Variants in PPP4R4 observed in about 807,000 individuals in gnomAD.
PPP4R4 encodes the protein protein phosphatase 4 regulatory subunit 4.
A neutral mutation model predicts 121.8 loss-of-function variants in PPP4R4; 70 were observed. The ratio of observed to expected loss-of-function variants is 0.57; its 90% CI spans 0.47 to 0.70. The LOEUF is 0.70. Ranked by LOEUF, PPP4R4 falls within the 30% of genes least tolerant of loss-of-function variation. The pLI, the probability that PPP4R4 is intolerant of heterozygous loss-of-function variation, is 0.00. For synonymous variants in PPP4R4, 348 were observed against 355.7 expected (o/e 0.98, Z 0.24); for missense variants, 875 against 1,033.6 (o/e 0.85, Z 2.10).
chr14:94,275,413 C>T lies in PPP4R4; in HGVS notation c.2489C>T (p.Ser830Phe), dbSNP rs546327827. The change falls in exon 24 of 25, where the codon TCT (serine) becomes TTT (phenylalanine). Residue 830 changes from serine to phenylalanine, a missense_variant. Ser to Phe is a radical substitution (Grantham distance 155). Transcript: ENST00000304338. ...ACTCGTAATGCCAGTAGCGTTCCAT[C>T]TTCCTTTTCTCCTAATACTCCCTTA... is the stretch of plus-strand genomic sequence containing the variant. ...FRTRNASSVP[S>F]SFSPNTPLPS... 3 of 1,614,032 alleles carry T rather than the reference C, an allele frequency of 1.9e-6. No individual in the cohort carries two copies. The highest frequency in any genetic ancestry group is 3.3e-5 in the Admixed American group (2 of 60,018).
chr14:94,186,630 C>A (rs1183631345), intron 2 of PPP4R4, among the ~76,000 whole-genome samples: 1 of 152,082 alleles, frequency 6.6e-6, no homozygotes, highest in Admixed American at 6.5e-5. Context: ...AATTGCTGGA[C>A]CATATAGTAA....
rs369514072 is a variant in PPP4R4, at chr14:94,276,131, A to G, written c.2597+610A>G. On this transcript the variant is annotated intron_variant, in intron 24 of 24. Transcript: ENST00000304338. ...ATAAAAATCACCATGATAAGAGACT[A>G]TATCAGGGTATAAATGATTCAGCCA... Among the ~76,000 whole-genome samples, 17 of 152,318 alleles carry G rather than the reference A, an allele frequency of 1.1e-4. 1 individual carries two copies. In the South Asian group the frequency reaches 3.5e-3, roughly 32 times the overall value.
At chr14:94,271,973 C>A (rs539457378) in intron 23 of PPP4R4, among the ~76,000 whole-genome samples, 1 of 152,004 alleles carries the variant, frequency 6.6e-6, no homozygotes, top group African/African-American at 2.4e-5. Flanking sequence ...TGTACAAGAT[C>A]TATATAAGGA....
chr14:94,193,828 C>T (rs574681395), intron 2 of PPP4R4, among the ~76,000 whole-genome samples: 1 of 152,214 alleles, frequency 6.6e-6, no homozygotes, highest in African/African-American at 2.4e-5. Flanking sequence ...GAATGGGTTG[C>T]TGATATGAAG....
At chr14:94,174,984 C>G (rs1200066103) in intron 1 of PPP4R4, among the ~76,000 whole-genome samples, 52 of 143,758 alleles carry the variant, frequency 3.6e-4, no homozygotes, top group Admixed American at 9.0e-4. Context: ...CCCCCCCCCC[C>G]CAAAGGAGCT....
rs1892648401 is a variant in PPP4R4, at chr14:94,241,767, AG to A, written c.977-20del. Reference sequence around the variant, plus strand: ...TTGTTTTCAATTGAAATGTTGAGCTAGTTTTTTATATTTGTTTTAGGAATTT... The same window carrying A: ...TTGTTTTCAATTGAAATGTTGAGCTATTTTTTATATTTGTTTTAGGAATTT... On this transcript the variant is annotated intron_variant, in intron 9 of 24. Coordinates refer to ENST00000304338, the MANE Select transcript of PPP4R4 (RefSeq NM_058237.2). 1 of 1,515,866 alleles carries A rather than the reference AG, an allele frequency of 6.6e-7. No individual in the cohort carries two copies. Among genetic ancestry groups the A allele is most frequent in the Non-Finnish European group, 8.8e-7 (1 of 1,131,030 alleles). 93.9% of individuals were successfully genotyped at this position (1,515,866 alleles called of 1,614,324 possible). A position where few individuals can be genotyped will look rare whatever the true frequency, so the allele number is the denominator to read the frequency against.
intron 7 of PPP4R4, among the ~76,000 whole-genome samples, chr14:94,237,302 C>G (rs1892396517): frequency 6.6e-6 from 1 of 152,062 alleles, no homozygotes; most frequent in South Asian, 2.1e-4. Flanking sequence ...TTGATATAAA[C>G]TCTTAGTTAT....
intron 11 of PPP4R4, among the ~76,000 whole-genome samples, chr14:94,243,606 C>T (rs1251252011): frequency 6.6e-6 from 1 of 152,010 alleles, no homozygotes; most frequent in African/African-American, 2.4e-5. Context: ...TATAATTAAA[C>T]ATATGGAAAT....
At chr14:94,182,966 C>A (rs1889070536) in intron 2 of PPP4R4, among the ~76,000 whole-genome samples, 1 of 152,120 alleles carries the variant, frequency 6.6e-6, no homozygotes, top group South Asian at 2.1e-4. Context: ...TCTAGCATAT[C>A]AATAATGAAC....
At chr14:94,275,286 AG>A (rs1415309343) in intron 23 of PPP4R4, 87 bp from the exon 24 acceptor site, 13 of 1,416,230 alleles carry the variant, frequency 9.2e-6, no homozygotes, top group African/African-American at 2.9e-5. Flanking sequence ...AAGGTGAAAA[AG>A]TTAGCTATCA....
At chr14:94,191,460 AT>A (rs1446977527) in intron 2 of PPP4R4, among the ~76,000 whole-genome samples, 1 of 152,226 alleles carries the variant, frequency 6.6e-6, no homozygotes, top group Non-Finnish European at 1.5e-5. Context: ...AGTAGTTAGC[AT>A]TCATCACCTT....
chr14:94,245,495 A>G (rs1038928802), intron 12 of PPP4R4, 92 bp from the exon 13 acceptor site: 1 of 594,146 alleles, frequency 1.7e-6, no homozygotes, highest in Non-Finnish European at 2.7e-6. Flanking sequence ...GAAAAAAAAA[A>G]ACCACTACTA....
chr14:94,242,237 A>G, intron 10 of PPP4R4, 52 bp from the exon 11 acceptor site: 5 of 1,568,816 alleles, frequency 3.2e-6, no homozygotes, highest in Non-Finnish European at 4.4e-6. Context: ...TTAGGTATTG[A>G]TGCATGTTTT....
intron 2 of PPP4R4, among the ~76,000 whole-genome samples, chr14:94,195,923 T>C (rs1889845697): frequency 6.6e-6 from 1 of 152,118 alleles, no homozygotes; most frequent in South Asian, 2.1e-4. Flanking sequence ...TTTATGTTTT[T>C]TCATGTCCTA....
At chr14:94,238,058 G>A (rs1892440900) in intron 8 of PPP4R4, among the ~76,000 whole-genome samples, 1 of 152,216 alleles carries the variant, frequency 6.6e-6, no homozygotes, top group South Asian at 2.1e-4. Flanking sequence ...GCCTGCAAAA[G>A]GGAGAGGGAA....
At chr14:94,262,688 C>T in intron 19 of PPP4R4, among the ~76,000 whole-genome samples, 1 of 152,030 alleles carries the variant, frequency 6.6e-6, no homozygotes, top group East Asian at 1.9e-4. Flanking sequence ...TACATTTACT[C>T]AGATCTTTAC....
At chr14:94,220,154 A>G (rs958918522) in intron 3 of PPP4R4, among the ~76,000 whole-genome samples, 3 of 152,162 alleles carry the variant, frequency 2.0e-5, no homozygotes, top group Non-Finnish European at 2.9e-5. Flanking sequence ...CCTGGGAGGC[A>G]GAGTTGCAGT....
intron 16 of PPP4R4, among the ~76,000 whole-genome samples, chr14:94,255,373 C>T (rs937674641): frequency 1.3e-5 from 2 of 151,008 alleles, no homozygotes; most frequent in South Asian, 2.1e-4. Context: ...CCAAGGCAGG[C>T]GGATCACAAG....
chr14:94,232,943 A>G (rs1271570485), intron 5 of PPP4R4, among the ~76,000 whole-genome samples: 1 of 152,080 alleles, frequency 6.6e-6, no homozygotes, highest in Non-Finnish European at 1.5e-5. Flanking sequence ...CTGTAGTCCC[A>G]GCTACTCGGG....
Sources: gnomAD v4.1 joint callset for allele counts (sites outside exome capture counted in the v4.1 genomes callset) on GRCh38, gnomAD v4.1.1 for gene constraint, MANE v1.5 for transcripts, NCBI Gene and HGNC (gene_info 2026-07-23, HGNC 2026-07-21) for gene names.